The following MAPKBP1 variants were observed in gnomAD, a reference collection of about 807,000 sequenced individuals.
The protein encoded by MAPKBP1 is mitogen-activated protein kinase binding protein 1, also known as mitogen-activated protein kinase-binding protein 1.
Under a neutral mutation model 170.5 loss-of-function variants are expected in MAPKBP1, and 71 were observed. The ratio of observed to expected loss-of-function variants is 0.42; its 90% CI spans 0.34 to 0.51. The LOEUF is 0.51. Ranked by LOEUF, MAPKBP1 falls within the 20% of genes least tolerant of loss-of-function variation. The pLI, the probability that MAPKBP1 is intolerant of heterozygous loss-of-function variation, is 0.06. For missense variants in MAPKBP1, 1,598 were observed against 1,933.0 expected, an observed-to-expected ratio of 0.83 and a Z score of 3.25; for synonymous variants, 719 against 757.9, an observed-to-expected ratio of 0.95 and a Z score of 0.84.
At chr15:41,785,821 G>C (rs1451720779) in intron 2 of MAPKBP1, among the ~76,000 whole-genome samples, 1 of 152,116 alleles carries the variant, frequency 6.6e-6, no homozygotes, top group Non-Finnish European at 1.5e-5. Flanking sequence ...TTTCTTAGAG[G>C]ACAATTTGGT....
In MAPKBP1 at chr15:41,817,742, G is replaced by C; in HGVS notation, c.1904+7G>C. ...GCCAGGACCGAAATATTCGGTGGGC[G>C]TCCCCTCCTCAGACTCTGCCCACAT... is the stretch of plus-strand genomic sequence containing the variant. On this transcript the variant is annotated splice_region_variant and intron_variant, in intron 16 of 30. Coordinates refer to ENST00000457542, the MANE Select transcript of MAPKBP1 (RefSeq NM_014994.3). This position sits in a 1 kb window ranked among gnomAD's most constrained non-coding sequence, Gnocchi z 4.2. 6.2e-7 allele frequency: 1 copy of C among 1,611,292 alleles called. No homozygotes were observed. Among genetic ancestry groups the C allele is most frequent in the Admixed American group, 1.7e-5 (1 of 59,506 alleles).
At chr15:41,816,692 T>C in intron 13 of MAPKBP1, 42 bp downstream of exon 13, 1 of 1,569,154 alleles carries the variant, frequency 6.4e-7, no homozygotes, top group Non-Finnish European at 8.8e-7. Flanking sequence ...CCTCCAGTCC[T>C]GCCGGTGCCA....
Position 41,825,371 on chromosome 15 carries a change from C to T in MAPKBP1, c.4462C>T (p.Leu1488=), listed in dbSNP as rs1407475367. Residue 1488 remains leucine, a synonymous_variant, in exon 31 of 31, where the codon CTG becomes TTG. Transcript: ENST00000457542. The part of the protein sequence containing the change: ...GAVGAEQTQA[L]LEQYSELLLR... ...TGTGGGAGCCGAGCAGACACAGGCC[C>T]TGCTGGAGCAATACTCAGAACTGTT... is the stretch of plus-strand genomic sequence containing the variant. 1 of 1,613,444 alleles carries T rather than the reference C, an allele frequency of 6.2e-7. No homozygotes were observed. Among genetic ancestry groups the T allele is most frequent in the Non-Finnish European group, 8.5e-7 (1 of 1,180,004 alleles).
intron 2 of MAPKBP1, among the ~76,000 whole-genome samples, chr15:41,780,424 G>A (rs576763573): frequency 8.5e-5 from 13 of 152,208 alleles, no homozygotes; most frequent in Middle Eastern, 3.4e-3. Flanking sequence ...TTGAAATTGG[G>A]GCTATGTTTA....
chr15:41,811,099 C>T, intron 4 of MAPKBP1, 79 bp from the exon 5 acceptor site: 2 of 1,576,356 alleles, frequency 1.3e-6, no homozygotes, highest in Non-Finnish European at 1.7e-6. Context: ...CTGCTGGTCT[C>T]ACCTTTTGAG....
intron 3 of MAPKBP1, among the ~76,000 whole-genome samples, chr15:41,801,021 C>T (rs937484865): frequency 1.3e-5 from 2 of 152,242 alleles, no homozygotes; most frequent in Non-Finnish European, 2.9e-5. Flanking sequence ...AGGCGTGAGC[C>T]ACCACGCCTG....
chr15:41,813,737 ACC>A lies in MAPKBP1; in HGVS notation c.939_940del (p.His314CysfsTer8). On this transcript the variant is annotated frameshift_variant, in exon 9 of 31. Transcript: ENST00000457542. LOFTEE classifies it high-confidence loss of function. Reference sequence around the variant, plus strand: ...TGCACTTCCTTAGCACCTTGCCCCGACCCCATGCTCTGGGGACAGACATTGCT... The same window carrying A: ...TGCACTTCCTTAGCACCTTGCCCCGACCATGCTCTGGGGACAGACATTGCT... Reference protein sequence around the residue: ...NLHFLSTLPRPHALGTDIASV... With the variant: ...NLHFLSTLPRXHALGTDIASV... 6.2e-7 allele frequency: 1 copy of A among 1,611,578 alleles called. No homozygotes were observed. The highest frequency in any genetic ancestry group is 8.5e-7 in the Non-Finnish European group (1 of 1,178,974).
At chr15:41,799,411 T>C (rs1304418640) in intron 2 of MAPKBP1, among the ~76,000 whole-genome samples, 1 of 152,164 alleles carries the variant, frequency 6.6e-6, no homozygotes, top group Non-Finnish European at 1.5e-5. Flanking sequence ...AGAGTGGCCT[T>C]TCCTTCATGC....
chr15:41,821,807 T>C (rs2065002745), intron 24 of MAPKBP1, 57 bp downstream of exon 24: 1 of 1,562,676 alleles, frequency 6.4e-7, no homozygotes, highest in East Asian at 2.4e-5. Context: ...CCTATGAGTG[T>C]TCTTTAGTCG....
intron 29 of MAPKBP1, 79 bp from the exon 30 acceptor site, chr15:41,824,405 C>T: frequency 7.4e-7 from 1 of 1,343,584 alleles, no homozygotes; most frequent in Non-Finnish European, 1.0e-6. Flanking sequence ...CTAGGTCTCT[C>T]CTGTTCTGAG....
intron 7 of MAPKBP1, 131 bp from the exon 8 acceptor site, chr15:41,812,788 G>A: frequency 1.4e-6 from 2 of 1,439,670 alleles, no homozygotes; most frequent in South Asian, 2.8e-5. Context: ...TGAGCCAGAT[G>A]CTGTCTGGGC....
At chr15:41,786,776 AAATATAT>A (rs367850083) in intron 2 of MAPKBP1, among the ~76,000 whole-genome samples, 15,572 of 103,060 alleles carry the variant, frequency 0.15, 2,670 homozygotes, top group East Asian at 0.68. Context: ...AAAAAAAAAA[AAATATAT>A]ATATATATAT....
intron 3 of MAPKBP1, 25 bp from the exon 4 acceptor site, chr15:41,810,858 G>A: frequency 1.2e-6 from 2 of 1,613,010 alleles, no homozygotes; most frequent in African/African-American, 1.3e-5. Context: ...TTGCTGCTGA[G>A]CCTGTTGTCT....
chr15:41,815,732 A>G lies in MAPKBP1; in HGVS notation c.1426A>G (p.Ile476Val), dbSNP rs1567150961. ...ATCCCTGTTGGATCCCCGCGTGGGC[A>G]TCCGCTCGGTGTGTGTCAGCCCCAA... ...DASLLDPRVGIRSVCVSPNGQ... is the reference protein window; with the variant it reads ...DASLLDPRVGVRSVCVSPNGQ... Residue 476 changes from isoleucine (I) to valine (V), a missense_variant, in exon 12 of 31, where the codon ATC becomes GTC. Ile to Val is a conservative substitution (Grantham distance 29, BLOSUM62 3). Around this residue, in one of 6 missense-constraint regions of MAPKBP1, gnomAD observed 430 missense variants for 617.2 expected, o/e 0.70. Coordinates refer to ENST00000457542, the MANE Select transcript of MAPKBP1 (RefSeq NM_014994.3). 6.2e-7 allele frequency: 1 copy of G among 1,614,190 alleles called. No homozygotes were observed. Among genetic ancestry groups the G allele is most frequent in the Middle Eastern group, 1.6e-4 (1 of 6,062 alleles).
intron 2 of MAPKBP1, among the ~76,000 whole-genome samples, chr15:41,782,278 T>A (rs912911468): frequency 1.2e-3 from 131 of 110,994 alleles, no homozygotes; most frequent in African/African-American, 3.6e-3. Flanking sequence ...AAAAAAAAAA[T>A]TATGAAATAC....
chr15:41,796,513 TTTGAG>T (rs1458967172), intron 2 of MAPKBP1, among the ~76,000 whole-genome samples: 17 of 152,248 alleles, frequency 1.1e-4, no homozygotes, highest in African/African-American at 4.1e-4. Context: ...AGGAAGCTGG[TTTGAG>T]TTAAGAACAT....
chr15:41,778,532 G>A (rs1323338141), intron 2 of MAPKBP1, among the ~76,000 whole-genome samples: 1 of 151,898 alleles, frequency 6.6e-6, no homozygotes, highest in Non-Finnish European at 1.5e-5. Context: ...CAGAGGGAGG[G>A]GAGTCTCTTC....
chr15:41,801,118 A>G lies in MAPKBP1; in HGVS notation c.206+1204A>G, dbSNP rs531839134. On this transcript the variant is annotated intron_variant, in intron 3 of 30. Transcript: ENST00000457542. ...TTGTGGCTGAATAATATTCCACTGG[A>G]TGGATGTAGCACATTTTATCTATTC... is the stretch of plus-strand genomic sequence containing the variant. 6.6e-5 allele frequency among the ~76,000 whole-genome samples: 10 copies of G among 152,318 alleles called. No homozygotes were observed. The South Asian group carries it at 2.1e-3, about 32-fold the overall frequency.
At chr15:41,822,729 A>G in intron 27 of MAPKBP1, 52 bp downstream of exon 27, 1 of 1,593,976 alleles carries the variant, frequency 6.3e-7, no homozygotes, top group Non-Finnish European at 8.6e-7. Flanking sequence ...CTCGCCTCCC[A>G]GGGCTGCTGC....
Sources: gnomAD v4.1 joint callset for allele counts (sites outside exome capture counted in the v4.1 genomes callset) on GRCh38, gnomAD v4.1.1 for gene constraint, gnomAD v4.1.1 regional missense constraint, Gnocchi (gnomAD v3.1) non-coding constraint, MANE v1.5 for transcripts, NCBI Gene and HGNC (gene_info 2026-07-23, HGNC 2026-07-21) for gene names.